NBAS: variants seen among roughly 807,000 people sequenced by gnomAD.
The protein encoded by NBAS is NAG/BC035112 fusion.
NBAS carries 219 observed loss-of-function variants against 302.5 expected under a neutral mutation model. The ratio of observed to expected loss-of-function variants is 0.72; its 90% CI spans 0.65 to 0.81. The LOEUF (loss-of-function observed/expected upper bound fraction) is 0.81, where lower values mean the gene tolerates loss of function less well. NBAS is among the 30% of genes least tolerant of loss of function. The pLI is 0.00. For missense variants in NBAS, 2,932 were observed against 2,841.6 expected (o/e 1.03, Z -0.72); for synonymous variants, 1,118 against 1,021.6 (o/e 1.09, Z -1.80).
chr2:15,178,783 G>A (rs1206573656), intron 51 of NBAS, among the ~76,000 whole-genome samples: 2 of 152,112 alleles, frequency 1.3e-5, no homozygotes, highest in Admixed American at 6.5e-5. Context: ...ACTGAATCTG[G>A]TTCACGGGAA....
At chr2:15,437,687 A>C (rs1678099381) in intron 21 of NBAS, among the ~76,000 whole-genome samples, 2 of 152,240 alleles carry the variant, frequency 1.3e-5, no homozygotes, top group South Asian at 4.1e-4. Flanking sequence ...AACAGTTCTT[A>C]TGACTGTCAA....
chr2:15,544,523 T>C (rs1455474739), intron 6 of NBAS, among the ~76,000 whole-genome samples: 1 of 152,152 alleles, frequency 6.6e-6, no homozygotes, highest in African/African-American at 2.4e-5. Flanking sequence ...TCTACAAAAC[T>C]GCTTATCTAG....
At chr2:14,814,959 G>A in the NBAS span, among the ~76,000 whole-genome samples, 2 of 152,142 alleles carry the variant, frequency 1.3e-5, no homozygotes, top group Admixed American at 1.3e-4. Flanking sequence ...CCTCAAGTCT[G>A]GTTATTTAAA....
the NBAS span, among the ~76,000 whole-genome samples, chr2:14,875,063 G>A: frequency 6.6e-6 from 1 of 151,968 alleles, no homozygotes; most frequent in Non-Finnish European, 1.5e-5. Context: ...ATACTTAATG[G>A]TAATAGATAA....
intron 35 of NBAS, among the ~76,000 whole-genome samples, chr2:15,351,027 C>T (rs558481535): frequency 6.6e-6 from 1 of 152,168 alleles, no homozygotes; most frequent in Non-Finnish European, 1.5e-5. Flanking sequence ...ACACTAGAGA[C>T]ATGTACAAAC....
intron 17 of NBAS, 108 bp downstream of exon 17, chr2:15,468,274 C>T: frequency 7.5e-7 from 1 of 1,325,346 alleles, no homozygotes; most frequent in South Asian, 1.2e-5. Flanking sequence ...GCAACTGCTT[C>T]AGTACAGAAT....
chr2:14,934,284 TC>T, the NBAS span, among the ~76,000 whole-genome samples: 7 of 152,230 alleles, frequency 4.6e-5, no homozygotes, highest in Admixed American at 1.3e-4. Context: ...ACCTATTTTT[TC>T]CATTGTCAAT....
intron 19 of NBAS, among the ~76,000 whole-genome samples, chr2:15,464,694 T>C (rs925659317): frequency 2.8e-4 from 43 of 152,310 alleles, no homozygotes; most frequent in Middle Eastern, 3.4e-3. Context: ...CAGTCTCCTC[T>C]CCTCTCCTTC....
the NBAS span, among the ~76,000 whole-genome samples, chr2:14,802,565 T>C: frequency 6.6e-6 from 1 of 152,082 alleles, no homozygotes; most frequent in Non-Finnish European, 1.5e-5. Context: ...CTATAAATCA[T>C]GCTGCTATAA....
the NBAS span, among the ~76,000 whole-genome samples, chr2:15,015,681 C>A: frequency 6.6e-6 from 1 of 152,160 alleles, no homozygotes; most frequent in East Asian, 1.9e-4. Flanking sequence ...CAGCTAACAT[C>A]ATGCTTGATA....
At chr2:15,365,681 C>A (rs555155816) in intron 32 of NBAS, among the ~76,000 whole-genome samples, 1 of 152,222 alleles carries the variant, frequency 6.6e-6, no homozygotes, top group Non-Finnish European at 1.5e-5. Context: ...TTCACACAGA[C>A]TAGAAAAGGA....
chr2:15,361,980 C>CA (rs796485418), intron 32 of NBAS, among the ~76,000 whole-genome samples: 5,661 of 114,628 alleles, frequency 0.049, 232 homozygotes, highest in African/African-American at 0.12. Flanking sequence ...AACTCCATCT[C>CA]AAAAAAAAAA....
At chr2:15,435,429 A>G (rs1256635969) in intron 21 of NBAS, among the ~76,000 whole-genome samples, 1 of 152,216 alleles carries the variant, frequency 6.6e-6, no homozygotes, top group Non-Finnish European at 1.5e-5. Context: ...ATAGTACTTA[A>G]CTATCTGCAA....
chr2:15,360,158 G>C, intron 32 of NBAS, among the ~76,000 whole-genome samples: 1 of 152,098 alleles, frequency 6.6e-6, no homozygotes, highest in Non-Finnish European at 1.5e-5. Flanking sequence ...TACAGGGCTG[G>C]AAGTTGCTCT....
chr2:15,063,549 T>C, the NBAS span, among the ~76,000 whole-genome samples: 3 of 152,132 alleles, frequency 2.0e-5, no homozygotes, highest in Non-Finnish European at 4.4e-5. Flanking sequence ...CCAAAATTCA[T>C]ATGTTGAAGC....
chr2:14,914,549 A>C, the NBAS span, among the ~76,000 whole-genome samples: 1 of 152,254 alleles, frequency 6.6e-6, no homozygotes, highest in Non-Finnish European at 1.5e-5. Flanking sequence ...GTCAAGGAGC[A>C]GTATTTAGCT....
chr2:15,536,779 T>C (rs1446675014), intron 7 of NBAS, among the ~76,000 whole-genome samples: 2 of 152,142 alleles, frequency 1.3e-5, no homozygotes, highest in Admixed American at 6.6e-5. Context: ...AGCAGCCCCT[T>C]TGAAGAAGAT....
chr2:15,283,579 T>C (rs1354342144), intron 42 of NBAS, among the ~76,000 whole-genome samples: 2 of 152,202 alleles, frequency 1.3e-5, no homozygotes, highest in African/African-American at 2.4e-5. Context: ...TCCTGAGGCC[T>C]TCCCAGCCAC....
chr2:15,397,668 A>T, intron 26 of NBAS: 1 of 542,556 alleles, frequency 1.8e-6, no homozygotes, highest in South Asian at 1.7e-5. Context: ...CAAATGACGA[A>T]TTTCTTAATG....
Sources: gnomAD v4.1 joint callset for allele counts (sites outside exome capture counted in the v4.1 genomes callset) on GRCh38, gnomAD v4.1.1 for gene constraint, MANE v1.5 for transcripts, NCBI Gene and HGNC (gene_info 2026-07-23, HGNC 2026-07-21) for gene names.